TENM4: variants seen among roughly 807,000 people sequenced by gnomAD.
TENM4 encodes teneurin transmembrane protein 4, also known as teneurin-4.
In TENM4, 82 loss-of-function variants were observed where a neutral mutation model predicts 243.3. That is an observed-to-expected ratio of 0.34 (90% confidence interval 0.28 to 0.40). The LOEUF is 0.40. Among genes scored for constraint, TENM4 ranks in the 10% least tolerant of loss-of-function variants. TENM4 has a pLI of 1.00. For missense variants in TENM4, 3,138 were observed against 3,673.3 expected, an observed-to-expected ratio of 0.85 and a Z score of 3.77; for synonymous variants, 1,412 against 1,456.3, an observed-to-expected ratio of 0.97 and a Z score of 0.69.
rs1035938945 is a variant in TENM4, at chr11:79,186,179, T to TATAG, written c.-163+29628_-163+29629insCTAT. Reference sequence around the variant, plus strand: ...TTTACTAATATTCCTATATCTTGGATGAATACCACCACCTTGCCATGTCTT... The same window carrying TATAG: ...TTTACTAATATTCCTATATCTTGGATATAGGAATACCACCACCTTGCCATGTCTT... On this transcript the variant is annotated intron_variant, in intron 3 of 33. Coordinates refer to ENST00000278550, the MANE Select transcript of TENM4 (RefSeq NM_001098816.3). Among the ~76,000 whole-genome samples, 111 of 152,330 alleles carry TATAG rather than the reference T, an allele frequency of 7.3e-4. 1 individual carries two copies. Among genetic ancestry groups the TATAG allele is most frequent in the African/African-American group, 2.5e-3 (106 of 41,582 alleles).
intron 29 of TENM4, among the ~76,000 whole-genome samples, chr11:78,686,274 C>A (rs1166824294): frequency 6.6e-6 from 1 of 152,148 alleles, no homozygotes; most frequent in East Asian, 1.9e-4. Context: ...ATACGGAGGT[C>A]CATGGAGGGG....
In TENM4 at chr11:79,018,194, G is replaced by T. The variant is rs117965152; in HGVS notation, c.493+46544C>A. 2.7e-4 allele frequency among the ~76,000 whole-genome samples: 41 copies of T among 152,276 alleles called. No homozygotes were observed. The East Asian group carries it at 3.5e-3, about 13-fold the overall frequency. On this transcript the variant is annotated intron_variant, in intron 6 of 33. Transcript: ENST00000278550. ...AACCCTGAGGCTGGGATGACCACAT[G>T]TTCCAGTTGGCCCAGGATGATACTG...
chr11:79,041,505 A>AAC (rs1365432170), intron 6 of TENM4, among the ~76,000 whole-genome samples: 1 of 147,994 alleles, frequency 6.8e-6, no homozygotes, highest in Admixed American at 6.6e-5. Context: ...AAAAAAAAAA[A>AAC]AAATCGAAGA....
rs141562185 is a variant in TENM4, at chr11:78,727,421, C to T, written c.3407-1199G>A. Among the ~76,000 whole-genome samples, 190 of 144,302 alleles carry T rather than the reference C, an allele frequency of 1.3e-3. 1 individual carries two copies. The highest frequency in any genetic ancestry group is 4.8e-3 in the African/African-American group (180 of 37,370). 94.7% of individuals were successfully genotyped at this position (144,302 alleles called of 152,430 possible). ...ACTGCATTCCATCCTGACGACAGAG[C>T]GAGACTCCGCCTCAAAAAAAAAAAA... is the stretch of plus-strand genomic sequence containing the variant. On this transcript the variant is annotated intron_variant, in intron 22 of 33. Transcript: ENST00000278550.
chr11:78,841,031 C>T (rs1338287164), intron 12 of TENM4, among the ~76,000 whole-genome samples: 1 of 152,140 alleles, frequency 6.6e-6, no homozygotes, highest in African/African-American at 2.4e-5. Flanking sequence ...CCTGTAAGCC[C>T]TCAAAAATGT....
chr11:78,880,488 A>G (rs563559777), intron 9 of TENM4, among the ~76,000 whole-genome samples: 10,567 of 111,856 alleles, frequency 0.094, 761 homozygotes, highest in African/African-American at 0.2. Context: ...AAAAAAAAAA[A>G]AGAAAGAAAA....
chr11:79,108,164 G>T (rs1238135066), intron 4 of TENM4, among the ~76,000 whole-genome samples: 1 of 152,184 alleles, frequency 6.6e-6, no homozygotes, highest in Non-Finnish European at 1.5e-5. Context: ...AGGCCTTAGT[G>T]CCCAGTTATT....
At chr11:79,294,182 C>T (rs1856406346) in intron 2 of TENM4, among the ~76,000 whole-genome samples, 1 of 152,184 alleles carries the variant, frequency 6.6e-6, no homozygotes, top group South Asian at 2.1e-4. Context: ...TTACTGACAT[C>T]ATTACTACTA....
At chr11:78,873,119 TG>T (rs1859178981) in intron 9 of TENM4, among the ~76,000 whole-genome samples, 2 of 152,184 alleles carry the variant, frequency 1.3e-5, no homozygotes, top group Non-Finnish European at 2.9e-5. Flanking sequence ...TCCAGTCCCA[TG>T]GGTATTTTCC....
At chr11:79,094,634 T>A (rs570367211) in intron 4 of TENM4, among the ~76,000 whole-genome samples, 6 of 152,132 alleles carry the variant, frequency 3.9e-5, no homozygotes, top group Non-Finnish European at 8.8e-5. Context: ...TCCCTTCAGC[T>A]CTGACTGTCT....
At chr11:78,780,554 T>C (rs1203552323) in intron 16 of TENM4, among the ~76,000 whole-genome samples, 1 of 152,100 alleles carries the variant, frequency 6.6e-6, no homozygotes, top group Non-Finnish European at 1.5e-5. Flanking sequence ...CAAGTGGTCA[T>C]AGCTTCCACC....
chr11:78,955,462 G>A (rs1353024104), intron 6 of TENM4, among the ~76,000 whole-genome samples: 1 of 152,158 alleles, frequency 6.6e-6, no homozygotes, highest in African/African-American at 2.4e-5. Context: ...ATTTCAACAG[G>A]GTCACAAACT....
chr11:78,749,397 C>A (rs1856130116), intron 19 of TENM4: 1 of 147,962 alleles, frequency 6.8e-6, no homozygotes, highest in Non-Finnish European at 1.5e-5. Flanking sequence ...ACCCTGTCAG[C>A]TCAGCTTGTT....
At chr11:79,341,940 T>G (rs768592949) in intron 1 of TENM4, among the ~76,000 whole-genome samples, 6 of 152,192 alleles carry the variant, frequency 3.9e-5, no homozygotes, top group African/African-American at 1.4e-4. Flanking sequence ...ATCTGTAAAA[T>G]GGATATAAGA....
chr11:78,893,360 T>C (rs1328929715), intron 7 of TENM4, among the ~76,000 whole-genome samples: 1 of 152,234 alleles, frequency 6.6e-6, no homozygotes, highest in Non-Finnish European at 1.5e-5. Context: ...CCAATCTCTC[T>C]AAGCATCCAC....
chr11:79,204,809 C>T (rs557527107), intron 3 of TENM4, among the ~76,000 whole-genome samples: 2 of 152,116 alleles, frequency 1.3e-5, no homozygotes, highest in Admixed American at 6.5e-5. Context: ...CAACACGGCT[C>T]GTGCTGGATG....
intron 19 of TENM4, among the ~76,000 whole-genome samples, chr11:78,747,396 C>T (rs1856073873): frequency 1.3e-5 from 2 of 152,328 alleles, no homozygotes; most frequent in Admixed American, 6.5e-5. Flanking sequence ...CCATTTGGCA[C>T]AGCTGGCAAG....
At chr11:78,982,793 A>G (rs1355871764) in intron 6 of TENM4, among the ~76,000 whole-genome samples, 1 of 152,236 alleles carries the variant, frequency 6.6e-6, no homozygotes, top group African/African-American at 2.4e-5. Context: ...TGCAGTGCCC[A>G]TTAGTGCTAA....
chr11:78,674,905 G>A (rs149651560), intron 30 of TENM4, among the ~76,000 whole-genome samples: 3,721 of 151,380 alleles, frequency 0.025, 95 homozygotes, highest in Admixed American at 0.056. Context: ...TTACTCTGTC[G>A]CCCAGGCTGG....
Sources: gnomAD v4.1 joint callset for allele counts (sites outside exome capture counted in the v4.1 genomes callset) on GRCh38, gnomAD v4.1.1 for gene constraint, MANE v1.5 for transcripts, NCBI Gene and HGNC (gene_info 2026-07-23, HGNC 2026-07-21) for gene names.